The following SPOCK3 variants were observed in gnomAD, a reference collection of about 807,000 sequenced individuals.
SPOCK3 encodes testican-3.
A neutral mutation model predicts 56.6 loss-of-function variants in SPOCK3; 30 were observed. The ratio of observed to expected loss-of-function variants is 0.53; its 90% confidence interval spans 0.40 to 0.72. SPOCK3 has a LOEUF of 0.72. Among genes scored for constraint, SPOCK3 ranks in the 30% least tolerant of loss-of-function variants. The pLI, the probability that SPOCK3 is intolerant of heterozygous loss-of-function variation, is 0.00. For missense variants in SPOCK3, 527 were observed against 530.0 expected (o/e 0.99, Z 0.06); for synonymous variants, 196 against 183.3 (o/e 1.07, Z -0.56).
At chr4:166,925,282 T>TA (rs1195763891) in intron 4 of SPOCK3, among the ~76,000 whole-genome samples, 1 of 152,180 alleles carries the variant, frequency 6.6e-6, no homozygotes, top group East Asian at 1.9e-4. Context: ...AAACCATTCT[T>TA]AATTCTCAGG....
intron 7 of SPOCK3, among the ~76,000 whole-genome samples, chr4:166,783,663 A>G (rs1437660073): frequency 1.3e-5 from 2 of 152,124 alleles, no homozygotes; most frequent in African/African-American, 4.8e-5. Context: ...ATTGGCTAGC[A>G]TATGGTTCAA....
intron 6 of SPOCK3, among the ~76,000 whole-genome samples, chr4:166,829,004 T>C (rs537363497): frequency 5.3e-5 from 8 of 152,150 alleles, no homozygotes; most frequent in African/African-American, 9.6e-5. Context: ...ATCTTCTGTG[T>C]TTGCTTATGA....
intron 3 of SPOCK3, among the ~76,000 whole-genome samples, chr4:167,007,310 T>C: frequency 6.6e-6 from 1 of 151,628 alleles, no homozygotes; most frequent in South Asian, 2.1e-4. Flanking sequence ...TAGTTCCAAA[T>C]AATCTACACA....
chr4:167,016,970 A>G (rs36091699), intron 3 of SPOCK3, among the ~76,000 whole-genome samples: 3,618 of 152,278 alleles, frequency 0.024, 76 homozygotes, highest in Middle Eastern at 0.061. Flanking sequence ...TATTCTATGG[A>G]ATGGAATGGA....
At chr4:167,008,162 C>T (rs1364269280) in intron 3 of SPOCK3, among the ~76,000 whole-genome samples, 2 of 151,840 alleles carry the variant, frequency 1.3e-5, no homozygotes, top group African/African-American at 4.8e-5. Context: ...GCAAGTTTTA[C>T]ATCTAAAAAT....
chr4:166,754,299 T>G, intron 8 of SPOCK3: 2 of 1,285,872 alleles, frequency 1.6e-6, no homozygotes, highest in South Asian at 5.1e-5. Flanking sequence ...AAATATTAAT[T>G]ACTATTTTTC....
intron 3 of SPOCK3, among the ~76,000 whole-genome samples, chr4:167,025,230 T>G (rs1751589923): frequency 6.9e-6 from 1 of 144,036 alleles, no homozygotes; most frequent in Non-Finnish European, 1.6e-5. Flanking sequence ...GCTTTTTTTT[T>G]TTTCCTTAGA....
intron 2 of SPOCK3, among the ~76,000 whole-genome samples, chr4:167,092,971 T>C (rs981832069): frequency 5.3e-5 from 8 of 152,162 alleles, no homozygotes; most frequent in Admixed American, 4.6e-4. Context: ...CCAAATACTT[T>C]GTAAGTTCTA....
chr4:166,996,872 G>A (rs1054408884), intron 4 of SPOCK3, among the ~76,000 whole-genome samples: 6 of 152,040 alleles, frequency 3.9e-5, no homozygotes, highest in African/African-American at 1.4e-4. Flanking sequence ...TATTTAAAAC[G>A]CTGAGGAAGG....
chr4:166,791,618 C>G (rs1459514015), intron 7 of SPOCK3, among the ~76,000 whole-genome samples: 2 of 151,742 alleles, frequency 1.3e-5, no homozygotes, highest in African/African-American at 4.8e-5. Context: ...TTTCTTATTT[C>G]CAAGGAATTA....
At chr4:166,755,109 A>G (rs984085537) in intron 7 of SPOCK3, among the ~76,000 whole-genome samples, 6 of 152,134 alleles carry the variant, frequency 3.9e-5, no homozygotes, top group Admixed American at 3.9e-4. Flanking sequence ...TGAACAAAAA[A>G]TAAAATTTAT....
chr4:166,889,739 T>G (rs901276003), intron 5 of SPOCK3, among the ~76,000 whole-genome samples: 13 of 151,874 alleles, frequency 8.6e-5, no homozygotes, highest in African/African-American at 2.9e-4. Context: ...TGGCCCATCT[T>G]GTATCCCCCA....
chr4:166,923,313 G>A (rs530271828), intron 4 of SPOCK3, among the ~76,000 whole-genome samples: 12 of 152,246 alleles, frequency 7.9e-5, no homozygotes, highest in African/African-American at 1.4e-4. Flanking sequence ...GATCCTTAAT[G>A]TAACCATATC....
chr4:167,027,701 T>G (rs986189670), intron 3 of SPOCK3, among the ~76,000 whole-genome samples: 4 of 152,090 alleles, frequency 2.6e-5, no homozygotes, highest in African/African-American at 9.7e-5. Flanking sequence ...AGAAAAATGT[T>G]ATTAAGAAAA....
At chr4:167,158,014 C>G (rs944476324) in intron 2 of SPOCK3, among the ~76,000 whole-genome samples, 2 of 151,678 alleles carry the variant, frequency 1.3e-5, no homozygotes, top group Non-Finnish European at 2.9e-5. Flanking sequence ...TGTTTGAGTG[C>G]TATATAGATC....
intron 6 of SPOCK3, among the ~76,000 whole-genome samples, chr4:166,800,008 T>C (rs1742372204): frequency 6.6e-6 from 1 of 151,560 alleles, no homozygotes. Context: ...GGTGAAACCC[T>C]GTCTCTACTA....
chr4:166,917,041 A>G (rs1737936319), intron 4 of SPOCK3, among the ~76,000 whole-genome samples: 1 of 152,172 alleles, frequency 6.6e-6, no homozygotes, highest in African/African-American at 2.4e-5. Context: ...AGCAAATGAA[A>G]GACATGGAGG....
rs72699613 is a variant in SPOCK3 at position 167,032,844 on chromosome 4, G to A, written c.235+29648C>T. On this transcript the variant is annotated intron_variant, in intron 3 of 10. Coordinates refer to ENST00000357545, the MANE Select transcript of SPOCK3 (RefSeq NM_001040159.2). ...ATTAGGTTCTGAAAAACATACTAAA[G>A]AGCTCAATTGTCATTATCTCTTAAG... 6.5e-3 allele frequency among the ~76,000 whole-genome samples: 994 copies of A among 151,984 alleles called. 5 individuals are homozygous for A. The highest frequency in any genetic ancestry group is 0.011 in the Non-Finnish European group (757 of 67,878).
At chr4:167,206,892 TAGG>T (rs1488291805) in intron 2 of SPOCK3, among the ~76,000 whole-genome samples, 3 of 151,914 alleles carry the variant, frequency 2.0e-5, no homozygotes, top group Non-Finnish European at 4.4e-5. Context: ...TACAACTAGA[TAGG>T]AGAATAGGTT....
Sources: allele counts gnomAD v4.1 joint callset (sites outside exome capture counted in the v4.1 genomes callset), GRCh38; gene constraint gnomAD v4.1.1; transcripts MANE v1.5; gene names NCBI Gene and HGNC (gene_info 2026-07-23, HGNC 2026-07-21).